The following UNC80 variants were observed in gnomAD, a reference collection of about 807,000 sequenced individuals.
The protein encoded by UNC80 is protein unc-80 homolog.
In UNC80, 164 loss-of-function variants were observed where a neutral mutation model predicts 384.6. That is an observed-to-expected ratio of 0.43 (90% CI 0.38 to 0.49). The LOEUF (loss-of-function observed/expected upper bound fraction) is 0.49, where lower values mean the gene tolerates loss of function less well. Ranked by LOEUF, UNC80 falls within the 20% of genes least tolerant of loss-of-function variation. The probability of loss-of-function intolerance (pLI) is 0.00; values close to 1 mark genes in which losing one functional copy is unlikely to be tolerated. For missense variants in UNC80, 3,330 were observed against 4,143.0 expected, an observed-to-expected ratio of 0.80 and a Z score of 5.39; for synonymous variants, 1,486 against 1,527.8, an observed-to-expected ratio of 0.97 and a Z score of 0.64.
chr2:209,848,038 G>T (rs1014243715), intron 21 of UNC80, among the ~76,000 whole-genome samples: 2 of 151,868 alleles, frequency 1.3e-5, no homozygotes, highest in Non-Finnish European at 2.9e-5. Flanking sequence ...TACTATTAAA[G>T]GGGTATATAT....
At chr2:209,857,431 T>G (rs889732894) in intron 22 of UNC80, among the ~76,000 whole-genome samples, 1 of 152,218 alleles carries the variant, frequency 6.6e-6, no homozygotes, top group African/African-American at 2.4e-5. Context: ...GAATACATTC[T>G]TATTAGTTCT....
rs1307214321 is a variant in UNC80 at position 209,866,533 on chromosome 2, C to CACATACACACAG, written c.3628-6224_3628-6223insCATACACACAGA. Among the ~76,000 whole-genome samples, 65 of 104,120 alleles carry CACATACACACAG rather than the reference C, an allele frequency of 6.2e-4. No individual in the cohort carries two copies. In the East Asian group the frequency reaches 7.1e-3, roughly 11 times the overall value. The allele number at this position is 104,120 out of a possible 152,430, so 68.3% of individuals were successfully genotyped here. A position where few individuals can be genotyped will look rare whatever the true frequency, so the allele number is the denominator to read the frequency against. On this transcript the variant is annotated intron_variant, in intron 22 of 64. Transcript: ENST00000673920. The stretch of plus-strand genomic sequence containing the variant: ...ACACACACACACACACACACACACA[C>CACATACACACAG]AGAGAGAGAGAGAGAGAGAGAGAGA...
chr2:209,799,900 T>G (rs2078429164), intron 7 of UNC80, among the ~76,000 whole-genome samples: 1 of 152,268 alleles, frequency 6.6e-6, no homozygotes, highest in African/African-American at 2.4e-5. Context: ...TGAACCAACC[T>G]TGCTTCCCAG....
intron 51 of UNC80, among the ~76,000 whole-genome samples, chr2:209,962,342 A>G (rs1205965382): frequency 6.6e-6 from 1 of 152,088 alleles, no homozygotes; most frequent in African/African-American, 2.4e-5. Flanking sequence ...GCAGGAGAAG[A>G]TCAGTGAAAA....
chr2:209,953,117 G>A (rs951740143), intron 47 of UNC80, among the ~76,000 whole-genome samples: 24 of 151,974 alleles, frequency 1.6e-4, no homozygotes, highest in Non-Finnish European at 3.4e-4. Context: ...CACAATTGGG[G>A]AATCTCTAAA....
intron 47 of UNC80, 47 bp from the exon 48 acceptor site, chr2:209,954,053 A>G: frequency 6.6e-7 from 1 of 1,516,826 alleles, no homozygotes; most frequent in Non-Finnish European, 8.8e-7. Flanking sequence ...ACAACCAACA[A>G]AAGTAGAATG....
intron 22 of UNC80, among the ~76,000 whole-genome samples, chr2:209,858,079 T>A (rs2083067622): frequency 6.6e-6 from 1 of 152,244 alleles, no homozygotes; most frequent in African/African-American, 2.4e-5. Context: ...TTCTCACTGT[T>A]TGATCTATCA....
At chr2:209,851,727 C>T (rs1288529949) in intron 22 of UNC80, among the ~76,000 whole-genome samples, 2 of 151,880 alleles carry the variant, frequency 1.3e-5, no homozygotes, top group African/African-American at 4.8e-5. Flanking sequence ...ATTGTATGCC[C>T]ACCGTGTTGC....
chr2:209,889,289 TAA>T (rs1213355222), intron 26 of UNC80, among the ~76,000 whole-genome samples: 2 of 152,232 alleles, frequency 1.3e-5, no homozygotes, highest in African/African-American at 4.8e-5. Flanking sequence ...TTAAGAAAGA[TAA>T]AAGTGTTACA....
Position 209,917,875 on chromosome 2 carries a change from G to T in UNC80, c.5128G>T (p.Ala1710Ser). The T allele has an allele frequency of 1.3e-6, 2 of 1,551,934 alleles. No individual in the cohort carries two copies. The highest frequency in any genetic ancestry group is 8.7e-7 in the Non-Finnish European group (1 of 1,147,038). Residue 1710 changes from alanine (A) to serine (S), a missense_variant, in exon 32 of 65, where the codon GCT (alanine) becomes TCT (serine). Coordinates refer to ENST00000673920, the MANE Select transcript of UNC80 (RefSeq NM_001371986.1). ...CCCGGAGACTGTGCAGAGGCTGAAC[G>T]CTGTCCTCAAGTTCCACACGCTCTG... ...HHPETVQRLN[A>S]VLKFHTLWRF... is the part of the protein sequence containing the mutation.
chr2:209,983,096 A>G (rs912279488), intron 60 of UNC80, among the ~76,000 whole-genome samples: 4 of 152,186 alleles, frequency 2.6e-5, no homozygotes, highest in Non-Finnish European at 5.9e-5. Context: ...ACCTTATGTG[A>G]TTTTAGTGTG....
intron 22 of UNC80, among the ~76,000 whole-genome samples, chr2:209,861,428 G>T (rs1460830892): frequency 4.6e-5 from 7 of 152,144 alleles, no homozygotes; most frequent in Non-Finnish European, 1.0e-4. Flanking sequence ...GTTTTTTGAT[G>T]TGCTGCTGGA....
In UNC80 at chr2:209,943,414, G is replaced by C. The variant is rs1292203908; in HGVS notation, c.6950G>C (p.Arg2317Pro). The C allele has an allele frequency of 6.4e-7, 1 of 1,552,074 alleles. No individual in the cohort carries two copies. Among genetic ancestry groups the C allele is most frequent in the Admixed American group, 2.0e-5 (1 of 51,002 alleles). ...YSDYESNPQL[R>P]QAIEFACHQF... is the part of the protein sequence containing the mutation. Reference sequence around the variant, plus strand: ...GACTATGAAAGCAATCCCCAGCTGCGTCAAGCCATCGAATTTGCCTGTCAC... The same window carrying C: ...GACTATGAAAGCAATCCCCAGCTGCCTCAAGCCATCGAATTTGCCTGTCAC... The change falls in exon 45 of 65, where the codon CGT becomes CCT. Residue 2317 changes from arginine (R) to proline (P), a missense_variant. Arg to Pro is a moderately radical substitution (Grantham distance 103). Transcript: ENST00000673920.
chr2:209,865,936 G>T (rs2083717994), intron 22 of UNC80, among the ~76,000 whole-genome samples: 1 of 152,120 alleles, frequency 6.6e-6, no homozygotes, highest in East Asian at 1.9e-4. Flanking sequence ...ACACTTCAAA[G>T]ATATTATCTC....
rs764764040 is a variant in UNC80, at chr2:209,829,271, A to G, written c.2518A>G (p.Met840Val). 1.4e-5 allele frequency: 22 copies of G among 1,551,334 alleles called. No individual in the cohort carries two copies. Among genetic ancestry groups the G allele is most frequent in the Admixed American group, 2.0e-5 (1 of 50,976 alleles). ...CLTKLYKLDKMQFRQTMRDYV... is the reference protein window; with the variant it reads ...CLTKLYKLDKVQFRQTMRDYV... Reference sequence around the variant, plus strand: ...CACTAAGCTATACAAGCTAGATAAGATGCAGTTCCGACAAACCATGAGGGA... The same window carrying G: ...CACTAAGCTATACAAGCTAGATAAGGTGCAGTTCCGACAAACCATGAGGGA... The change falls in exon 15 of 65, where the codon ATG becomes GTG. Residue 840 changes from methionine to valine, a missense_variant. By Grantham distance (21) the Met-to-Val change is conservative. Around this residue, in one of 8 missense-constraint regions of UNC80, gnomAD observed 937 missense variants for 1,026.8 expected, o/e 0.91. Coordinates refer to ENST00000673920, the MANE Select transcript of UNC80 (RefSeq NM_001371986.1).
At position 209,839,671 on chromosome 2, in the gene UNC80, G is replaced by A. The variant is rs994588496; in HGVS notation, c.3250+241G>A. ...ATTAAATAGCAAGCAAATACACACA[G>A]CCTCCTAACTTTGCTAAACTTGTAA... is the stretch of plus-strand genomic sequence containing the variant. On this transcript the variant is annotated intron_variant, in intron 19 of 64. Transcript: ENST00000673920. The surrounding 1 kb of genome is among the most constrained non-coding windows in gnomAD (Gnocchi z 4.1). Among the ~76,000 whole-genome samples, 2 of 152,150 alleles carry A rather than the reference G, an allele frequency of 1.3e-5. No homozygotes were observed. Among genetic ancestry groups the A allele is most frequent in the African/African-American group, 2.4e-5 (1 of 41,424 alleles).
intron 13 of UNC80, among the ~76,000 whole-genome samples, chr2:209,821,770 T>A (rs2080148860): frequency 6.6e-6 from 1 of 152,198 alleles, no homozygotes; most frequent in African/African-American, 2.4e-5. Context: ...CTTACACTAA[T>A]CTCAATTTAT....
At chr2:209,794,945 G>A (rs2078063073) in intron 7 of UNC80, 2 of 348,008 alleles carry the variant, frequency 5.7e-6, no homozygotes, top group South Asian at 2.3e-5. Flanking sequence ...GTAGAGTGGG[G>A]CATTGCTGAA....
chr2:209,892,724 T>C (rs745428729), intron 26 of UNC80, among the ~76,000 whole-genome samples: 1 of 152,234 alleles, frequency 6.6e-6, no homozygotes, highest in Non-Finnish European at 1.5e-5. Flanking sequence ...CTCGTAGTCA[T>C]TACAAAATTT....
Sources: gnomAD v4.1 joint callset for allele counts (sites outside exome capture counted in the v4.1 genomes callset) on GRCh38, gnomAD v4.1.1 for gene constraint, gnomAD v4.1.1 regional missense constraint, Gnocchi (gnomAD v3.1) non-coding constraint, MANE v1.5 for transcripts, NCBI Gene and HGNC (gene_info 2026-07-23, HGNC 2026-07-21) for gene names.